COL5A1: variants seen among roughly 807,000 people sequenced by gnomAD.
The protein encoded by COL5A1 is collagen type V alpha 1 chain.
A neutral mutation model predicts 263.7 loss-of-function variants in COL5A1; 16 were observed. That is an observed-to-expected ratio of 0.06 (90% CI 0.04 to 0.09). The LOEUF (loss-of-function observed/expected upper bound fraction) is 0.09. Among genes scored for constraint, COL5A1 ranks in the 10% least tolerant of loss-of-function variants. The pLI is 1.00. For missense variants in COL5A1, 2,036 were observed against 2,540.5 expected (o/e 0.80, Z 4.27); for synonymous variants, 1,012 against 1,004.5 (o/e 1.01, Z -0.14).
intron 1 of COL5A1, among the ~76,000 whole-genome samples, chr9:134,644,778 A>C (rs1831422424): frequency 6.6e-6 from 1 of 152,322 alleles, no homozygotes; most frequent in African/African-American, 2.4e-5. Flanking sequence ...GGGAAATGAA[A>C]CATGACCCCA....
At chr9:134,790,483 C>A (rs1837641957) in intron 32 of COL5A1, among the ~76,000 whole-genome samples, 1 of 103,684 alleles carries the variant, frequency 9.6e-6, no homozygotes. Context: ...CCCACCCATC[C>A]ACCCATCCAC....
intron 8 of COL5A1, 87 bp downstream of exon 8, chr9:134,731,750 G>A: frequency 6.8e-7 from 1 of 1,460,222 alleles, no homozygotes; most frequent in Non-Finnish European, 9.3e-7. Context: ...CTCCTCAGGG[G>A]TGGGCCTCTA....
rs1380216892 is a variant in COL5A1, at chr9:134,722,336, G to T, written c.655-4930G>T. ...CTGGGGACACCTCAGGCTTTGTCCC[G>T]CTTCGTGGGTGTTCGTTACCTAGCC... On this transcript the variant is annotated intron_variant, in intron 4 of 65. Transcript: ENST00000371817. Among the ~76,000 whole-genome samples the T allele has an allele frequency of 2.0e-5, 3 of 152,346 alleles. No homozygotes were observed. In the East Asian group the frequency reaches 5.8e-4, roughly 29 times the overall value.
chr9:134,666,681 A>G (rs1469712146), intron 1 of COL5A1, among the ~76,000 whole-genome samples: 1 of 152,060 alleles, frequency 6.6e-6, no homozygotes, highest in Non-Finnish European at 1.5e-5. Flanking sequence ...GGGCTCCCTC[A>G]CTGGGGGTGC....
At chr9:134,747,185 C>T (rs529994726) in intron 11 of COL5A1, among the ~76,000 whole-genome samples, 12 of 152,326 alleles carry the variant, frequency 7.9e-5, no homozygotes, top group East Asian at 1.9e-4. Flanking sequence ...TAGGACTTCA[C>T]GTTATCCTTG....
Position 134,745,499 on chromosome 9 carries a change from G to T in COL5A1, c.1495-5043G>T, listed in dbSNP as rs368652756. 1.2e-3 allele frequency among the ~76,000 whole-genome samples: 182 copies of T among 152,284 alleles called. 1 individual carries two copies. In the Middle Eastern group the frequency reaches 0.024, roughly 20 times the overall value. The stretch of plus-strand genomic sequence containing the variant: ...TTACCCAGAGCCCCGATTATTGGTG[G>T]CCTATGGATAAAGAGCCCCTCCTGT... On this transcript the variant is annotated intron_variant, in intron 11 of 65. Coordinates refer to ENST00000371817, the MANE Select transcript of COL5A1 (RefSeq NM_000093.5).
chr9:134,819,886 C>G (rs1838923527), intron 57 of COL5A1, among the ~76,000 whole-genome samples: 1 of 152,216 alleles, frequency 6.6e-6, no homozygotes, highest in African/African-American at 2.4e-5. Context: ...GTCTCAGTGT[C>G]TGTGGCTCCC....
At chr9:134,649,122 ATGT>A (rs1343055733) in intron 1 of COL5A1, among the ~76,000 whole-genome samples, 1 of 151,860 alleles carries the variant, frequency 6.6e-6, no homozygotes, top group African/African-American at 2.4e-5. Context: ...GCCATCTCAG[ATGT>A]TGTTTTTGTG....
At position 134,681,892 on chromosome 9, in the gene COL5A1, T is replaced by C. The variant is rs1832869728; in HGVS notation, c.110-9020T>C. ...CTCGCTCTTCCTCTCTTTCTCTCTC[T>C]GTCTCTCCCTCTCTCTTTCTGTCTG... On this transcript the variant is annotated intron_variant, in intron 1 of 65. Transcript: ENST00000371817. This position sits in a 1 kb window ranked among gnomAD's most constrained non-coding sequence, Gnocchi z 4.3. 2.0e-5 allele frequency among the ~76,000 whole-genome samples: 3 copies of C among 152,148 alleles called. No individual in the cohort carries two copies. The highest frequency in any genetic ancestry group is 6.5e-5 in the Admixed American group (1 of 15,280).
chr9:134,811,239 T>A, intron 44 of COL5A1, 100 bp from the exon 45 acceptor site: 1 of 1,024,616 alleles, frequency 9.8e-7, no homozygotes, highest in Non-Finnish European at 1.6e-6. Flanking sequence ...ACTGACGACG[T>A]TGGATGCATC....
chr9:134,747,984 T>TGCATTCACACACAC (rs1230968303), intron 11 of COL5A1, among the ~76,000 whole-genome samples: 1 of 137,872 alleles, frequency 7.3e-6, no homozygotes, highest in Non-Finnish European at 1.6e-5. Context: ...CACACACACA[T>TGCATTCACACACAC]GCATTCACAC....
At chr9:134,740,186 A>G (rs1214130979) in intron 11 of COL5A1, among the ~76,000 whole-genome samples, 3 of 152,130 alleles carry the variant, frequency 2.0e-5, no homozygotes, top group East Asian at 1.9e-4. Context: ...CCAAAACTCC[A>G]GACAGGCAAC....
chr9:134,822,717 T>TG (rs948393406), intron 59 of COL5A1, among the ~76,000 whole-genome samples: 2 of 100,672 alleles, frequency 2.0e-5, no homozygotes, highest in Non-Finnish European at 3.9e-5. Flanking sequence ...TCTTTTCCGC[T>TG]GCGCCCCCCC....
At chr9:134,798,298 TGCAGGG>T (rs1837988640) in intron 36 of COL5A1, 104 bp from the exon 37 acceptor site, 1 of 984,854 alleles carries the variant, frequency 1.0e-6, no homozygotes, top group African/African-American at 1.6e-5. Flanking sequence ...TCAGAGGATG[TGCAGGG>T]GCAGGAGCCA....
Position 134,786,898 on chromosome 9 carries a change from T to C in COL5A1, c.2646+850T>C, listed in dbSNP as rs369016820. Among the ~76,000 whole-genome samples, 36 of 152,330 alleles carry C rather than the reference T, an allele frequency of 2.4e-4. 2 individuals carry two copies. The South Asian group carries it at 7.5e-3, about 32-fold the overall frequency. On this transcript the variant is annotated intron_variant, in intron 31 of 65. Transcript: ENST00000371817. ...AGTCTTGTTAACAGGAGGACGGGCGTGGTGGGCTGAGGCTGCCCTCCAGGT... is the reference window on the plus strand; with the variant it reads ...AGTCTTGTTAACAGGAGGACGGGCGCGGTGGGCTGAGGCTGCCCTCCAGGT...
In COL5A1 at chr9:134,754,034, G is replaced by A. The variant is rs555838545; in HGVS notation, c.1773+131G>A. 7 of 896,058 alleles carry A rather than the reference G, an allele frequency of 7.8e-6. No individual in the cohort carries two copies. The highest frequency in any genetic ancestry group is 2.8e-5 in the South Asian group (2 of 71,260). The allele number at this position is 896,058 out of a possible 1,614,324, so 55.5% of individuals were successfully genotyped here. On this transcript the variant is annotated intron_variant, in intron 15 of 65. Coordinates refer to ENST00000371817, the MANE Select transcript of COL5A1 (RefSeq NM_000093.5). The surrounding 1 kb of genome is among the most constrained non-coding windows in gnomAD (Gnocchi z 4.3). ...TTCGTGGGAATTGTCCTTGCTTTAC[G>A]CAGTGCTGAGGGTGGAGCACAATGA...
intron 18 of COL5A1, among the ~76,000 whole-genome samples, chr9:134,760,832 G>T (rs1836386330): frequency 8.4e-6 from 1 of 119,350 alleles, no homozygotes; most frequent in African/African-American, 3.4e-5. Context: ...ATACACACAT[G>T]CACACATGCA....
At position 134,822,883 on chromosome 9, in the gene COL5A1, G is replaced by T. The variant is rs962236123; in HGVS notation, c.4609-115G>T. ...GCAAATACAAGCATAGACTCTTGAG[G>T]GGGATGCGGGTGGGAGAGGGGCGAG... is the stretch of plus-strand genomic sequence containing the variant. On this transcript the variant is annotated intron_variant, in intron 59 of 65. Coordinates refer to ENST00000371817, the MANE Select transcript of COL5A1 (RefSeq NM_000093.5). 2.6e-6 allele frequency: 3 copies of T among 1,156,874 alleles called. No individual in the cohort carries two copies. In the African/African-American group the frequency reaches 4.5e-5, roughly 18 times the overall value. The allele number at this position is 1,156,874 out of a possible 1,614,324, so 71.7% of individuals were successfully genotyped here.
chr9:134,664,674 G>A (rs1197338005), intron 1 of COL5A1, among the ~76,000 whole-genome samples: 1 of 152,280 alleles, frequency 6.6e-6, no homozygotes, highest in Non-Finnish European at 1.5e-5. Context: ...AACAGAAGCT[G>A]AGAGTCTGTG....
Sources: allele counts gnomAD v4.1 joint callset (sites outside exome capture counted in the v4.1 genomes callset), GRCh38; gene constraint gnomAD v4.1.1; non-coding constraint Gnocchi (gnomAD v3.1); transcripts MANE v1.5; gene names NCBI Gene and HGNC (gene_info 2026-07-23, HGNC 2026-07-21).